Variants in MBP observed in about 807,000 individuals in gnomAD.
MBP encodes myelin basic protein.
A neutral mutation model predicts 35.8 loss-of-function variants in MBP; 16 were observed. The observed-to-expected ratio is 0.45, with a 90% CI of 0.30 to 0.68. MBP has a LOEUF of 0.68. Among genes scored for constraint, MBP ranks in the 30% least tolerant of loss-of-function variants. The pLI is 0.08. For missense variants in MBP, 380 were observed against 404.7 expected (o/e 0.94, Z 0.52); for synonymous variants, 143 against 159.6 (o/e 0.90, Z 0.78).
At chr18:77,078,069 C>A (rs537615501) in intron 2 of MBP, among the ~76,000 whole-genome samples, 37 of 152,228 alleles carry the variant, frequency 2.4e-4, no homozygotes, top group African/African-American at 8.4e-4. Flanking sequence ...CCAGCCCCAG[C>A]AGCTGAAGGA....
At position 77,053,427 on chromosome 18, in the gene MBP, A is replaced by G. The variant is rs563476553; in HGVS notation, c.139+12871T>C. Among the ~76,000 whole-genome samples, 215 of 152,376 alleles carry G rather than the reference A, an allele frequency of 1.4e-3. 1 individual carries two copies. Among genetic ancestry groups the G allele is most frequent in the African/African-American group, 5.1e-3 (211 of 41,586 alleles). On this transcript the variant is annotated intron_variant, in intron 3 of 8. Transcript: ENST00000355994. ...CGCTACGGGGGCTGGCTGTGGTTTC[A>G]GAGTCTCACCCTAATTCCAAAGAAC...
chr18:77,041,276 C>T (rs1972978887), intron 3 of MBP, among the ~76,000 whole-genome samples: 1 of 152,168 alleles, frequency 6.6e-6, no homozygotes, highest in African/African-American at 2.4e-5. Context: ...ACTCAGGAAA[C>T]AACAGGTGCT....
chr18:77,072,145 A>C (rs1039858381), intron 2 of MBP, among the ~76,000 whole-genome samples: 3 of 152,040 alleles, frequency 2.0e-5, no homozygotes, highest in Non-Finnish European at 4.4e-5. Flanking sequence ...GCCGGCGTAC[A>C]CACCCCTCCG....
intron 1 of MBP, among the ~76,000 whole-genome samples, chr18:77,116,645 C>G (rs994715220): frequency 4.6e-5 from 7 of 152,134 alleles, no homozygotes; most frequent in Admixed American, 4.6e-4. Flanking sequence ...GTTTAGAAAG[C>G]CCGAGTAATG....
At chr18:77,028,088 TAAAC>T (rs371471915) in intron 3 of MBP, among the ~76,000 whole-genome samples, 7,947 of 149,334 alleles carry the variant, frequency 0.053, 265 homozygotes, top group Admixed American at 0.077. Context: ...GGTCAGCAGA[TAAAC>T]AAGTGAACAA....
chr18:77,059,905 C>T (rs758269210), intron 3 of MBP, among the ~76,000 whole-genome samples: 1 of 152,194 alleles, frequency 6.6e-6, no homozygotes, highest in Non-Finnish European at 1.5e-5. Flanking sequence ...GACAGGCGGG[C>T]TTCTTGGTTA....
rs541106737 is a variant in MBP, at chr18:77,119,607, C to T, written c.-26+12973G>A. On this transcript the variant is annotated intron_variant, in intron 1 of 8. Coordinates refer to ENST00000355994, the MANE Select transcript of MBP (RefSeq NM_001025101.2). ...TGCTCTTCCCTCTTACCTCAAGCCGCGCCCACACAGCTCAACACCCTCCAT... is the reference window on the plus strand; with the variant it reads ...TGCTCTTCCCTCTTACCTCAAGCCGTGCCCACACAGCTCAACACCCTCCAT... 2.4e-3 allele frequency among the ~76,000 whole-genome samples: 367 copies of T among 152,298 alleles called. 4 individuals are homozygous for T. The highest frequency in any genetic ancestry group is 3.1e-3 in the Non-Finnish European group (214 of 68,012).
intron 3 of MBP, among the ~76,000 whole-genome samples, chr18:77,049,071 C>CA (rs1386234707): frequency 6.6e-6 from 1 of 152,124 alleles, no homozygotes; most frequent in Non-Finnish European, 1.5e-5. Context: ...AGGCACCTGC[C>CA]ACCACGCCCG....
intron 3 of MBP, among the ~76,000 whole-genome samples, chr18:77,065,098 G>C (rs1974140373): frequency 6.6e-6 from 1 of 152,142 alleles, no homozygotes; most frequent in Admixed American, 6.5e-5. Flanking sequence ...CACTCATAGG[G>C]GAAGCAGAAA....
chr18:76,988,180 C>T lies in MBP; in HGVS notation c.750+315G>A, dbSNP rs767306934. 54 of 1,542,914 alleles carry T rather than the reference C, an allele frequency of 3.5e-5. No individual in the cohort carries two copies. Among genetic ancestry groups the T allele is most frequent in the Middle Eastern group, 1.7e-4 (1 of 6,014 alleles). On this transcript the variant is annotated intron_variant, in intron 7 of 8. Coordinates refer to ENST00000355994, the MANE Select transcript of MBP (RefSeq NM_001025101.2). This position sits in a 1 kb window ranked among gnomAD's most constrained non-coding sequence, Gnocchi z 5.2. Reference sequence around the variant, plus strand: ...TGTTGGAGGAAGTTAAACATTTTCTCGGACGTGGTGTTGCTCCCTCCCTGG... The same window carrying T: ...TGTTGGAGGAAGTTAAACATTTTCTTGGACGTGGTGTTGCTCCCTCCCTGG...
At chr18:77,115,297 C>CA (rs1421909581) in intron 1 of MBP, 1 of 152,274 alleles carries the variant, frequency 6.6e-6, no homozygotes, top group Non-Finnish European at 1.5e-5. Context: ...CCGAGGAACT[C>CA]ACACATTCCT....
chr18:77,100,511 GT>G (rs1568339755), intron 2 of MBP, among the ~76,000 whole-genome samples: 103 of 52,354 alleles, frequency 2.0e-3, no homozygotes, highest in African/African-American at 0.012. Context: ...AATTTGGGGT[GT>G]GTGTGTGTGT....
chr18:77,128,908 T>C (rs1977149064), intron 1 of MBP, among the ~76,000 whole-genome samples: 1 of 152,210 alleles, frequency 6.6e-6, no homozygotes, highest in African/African-American at 2.4e-5. Context: ...GTCGAACTCA[T>C]GTGAGGTCTA....
At chr18:77,023,686 C>A (rs1421177329) in intron 3 of MBP, among the ~76,000 whole-genome samples, 2 of 152,192 alleles carry the variant, frequency 1.3e-5, no homozygotes, top group Admixed American at 6.5e-5. Context: ...ATGTGCAATG[C>A]TGCAGGCCCT....
intron 4 of MBP, chr18:77,014,282 C>T: frequency 2.0e-6 from 2 of 985,462 alleles, no homozygotes; most frequent in Non-Finnish European, 2.4e-6. Flanking sequence ...GTACCAGCGG[C>T]CATGTGCCCT....
rs189132973 is a variant in MBP, at chr18:77,078,682, G to A, written c.52-12297C>T. On this transcript the variant is annotated intron_variant, in intron 2 of 8. Transcript: ENST00000355994. ...CTGTGGACTGAAGAGCAACTCCAGA[G>A]TTGGAGAGAGCAGATCCGCAGAGTG... 7.2e-5 allele frequency among the ~76,000 whole-genome samples: 11 copies of A among 152,380 alleles called. No individual in the cohort carries two copies. The East Asian group carries it at 2.1e-3, about 29-fold the overall frequency.
chr18:77,019,952 G>A (rs1035672615), intron 3 of MBP, among the ~76,000 whole-genome samples: 6 of 152,178 alleles, frequency 3.9e-5, no homozygotes, highest in Non-Finnish European at 8.8e-5. Context: ...AGGAGGGCCT[G>A]TGCAGGGAAC....
intron 2 of MBP, among the ~76,000 whole-genome samples, chr18:77,083,301 G>C (rs553398897): frequency 6.6e-6 from 1 of 152,158 alleles, no homozygotes; most frequent in Non-Finnish European, 1.5e-5. Flanking sequence ...ATGAGTAAAG[G>C]TTCAGTAAAT....
At chr18:76,999,159 G>T (rs925547415) in intron 4 of MBP, among the ~76,000 whole-genome samples, 8 of 152,116 alleles carry the variant, frequency 5.3e-5, no homozygotes, top group African/African-American at 1.9e-4. Flanking sequence ...GAAACAACGG[G>T]AGGAGGTGAG....
Sources: gnomAD v4.1 joint callset for allele counts (sites outside exome capture counted in the v4.1 genomes callset) on GRCh38, gnomAD v4.1.1 for gene constraint, Gnocchi (gnomAD v3.1) non-coding constraint, MANE v1.5 for transcripts, NCBI Gene and HGNC (gene_info 2026-07-23, HGNC 2026-07-21) for gene names.